Variants in KCTD10 observed in about 807,000 individuals in gnomAD.
KCTD10 encodes BTB/POZ domain-containing adapter for CUL3-mediated RhoA degradation protein 3.
A neutral mutation model predicts 34.6 loss-of-function variants in KCTD10; 13 were observed. The observed-to-expected ratio is 0.38, with a 90% CI of 0.24 to 0.60. The LOEUF (loss-of-function observed/expected upper bound fraction) is 0.60. Ranked by LOEUF, KCTD10 falls within the 20% of genes least tolerant of loss-of-function variation. The pLI is 0.66. For synonymous variants in KCTD10, 156 were observed against 168.8 expected (o/e 0.92, Z 0.59); for missense variants, 256 against 420.3 (o/e 0.61, Z 3.42).
At chr12:109,464,345 C>T (rs12818537) in intron 2 of KCTD10, among the ~76,000 whole-genome samples, 25,770 of 152,098 alleles carry the variant, frequency 0.17, 2,239 homozygotes, top group African/African-American at 0.18. Context: ...GGCTGCCCCG[C>T]ACATTGTAGG....
intron 1 of KCTD10, 101 bp from the exon 2 acceptor site, chr12:109,469,829 G>A (rs1415580326): frequency 1.3e-5 from 20 of 1,501,450 alleles, no homozygotes; most frequent in South Asian, 5.3e-5. Flanking sequence ...CTTGGGCCAC[G>A]CATACACAGC....
At chr12:109,473,580 C>G (rs1467878426) in intron 1 of KCTD10, among the ~76,000 whole-genome samples, 4 of 152,178 alleles carry the variant, frequency 2.6e-5, no homozygotes, top group Non-Finnish European at 4.4e-5. Context: ...AACAAAAGCT[C>G]TAAACCTTTT....
intron 2 of KCTD10, chr12:109,464,907 A>G: frequency 2.2e-6 from 1 of 453,690 alleles, no homozygotes; most frequent in Non-Finnish European, 4.4e-6. Flanking sequence ...GAAGTAGAAG[A>G]TGCTGTCCCA....
intron 1 of KCTD10, chr12:109,470,374 T>G (rs2135678777): frequency 1.0e-6 from 1 of 985,578 alleles, no homozygotes; most frequent in East Asian, 1.1e-4. Context: ...AAATTAGACC[T>G]CCTAGACTAG....
intron 2 of KCTD10, among the ~76,000 whole-genome samples, chr12:109,467,305 T>A (rs1163630948): frequency 6.6e-6 from 1 of 152,024 alleles, no homozygotes; most frequent in African/African-American, 2.4e-5. Context: ...CCTCGAAGGG[T>A]TATGGTGAGG....
rs200331161 is a variant in KCTD10 at position 109,469,694 on chromosome 12, G to A, written c.38C>T (p.Ala13Val). ...EMSGESVVSS[A>V]VPAAATRTTS... is the part of the protein sequence containing the mutation. ...GGTGCGGGTAGCAGCCGCTGGCACC[G>A]CTGAGCTCACCACACTTTCTCCTGA... Residue 13 changes from alanine to valine, a missense_variant, in exon 2 of 7, where the codon GCG becomes GTG. Physicochemically the swap from Ala to Val is moderately conservative, Grantham distance 64. Coordinates refer to ENST00000228495, the MANE Select transcript of KCTD10 (RefSeq NM_031954.5). The A allele has an allele frequency of 1.4e-4, 221 of 1,614,208 alleles. No homozygotes were observed. In the Middle Eastern group the frequency reaches 2.0e-3, roughly 14 times the overall value.
chr12:109,459,791 A>C (rs1665227686), intron 3 of KCTD10, among the ~76,000 whole-genome samples: 1 of 152,232 alleles, frequency 6.6e-6, no homozygotes. Flanking sequence ...ATGTGAACAG[A>C]AAAAACTGCT....
chr12:109,464,241 A>G (rs1186739907), intron 2 of KCTD10, among the ~76,000 whole-genome samples: 1 of 152,194 alleles, frequency 6.6e-6, no homozygotes, highest in Non-Finnish European at 1.5e-5. Flanking sequence ...TTCAGATTCT[A>G]GCAACCTGCC....
chr12:109,468,496 C>T (rs977132953), intron 2 of KCTD10, among the ~76,000 whole-genome samples: 4 of 152,142 alleles, frequency 2.6e-5, no homozygotes, highest in Non-Finnish European at 4.4e-5. Context: ...TAAGCAATCT[C>T]AGGCCAAGGA....
rs1475342259 is a variant in KCTD10, at chr12:109,451,832, C to T, written c.724-19G>A. 1.9e-6 allele frequency: 3 copies of T among 1,600,400 alleles called. No homozygotes were observed. The highest frequency in any genetic ancestry group is 1.3e-5 in the African/African-American group (1 of 74,754). On this transcript the variant is annotated intron_variant, in intron 6 of 6. Coordinates refer to ENST00000228495, the MANE Select transcript of KCTD10 (RefSeq NM_031954.5). This position sits in a 1 kb window ranked among gnomAD's most constrained non-coding sequence, Gnocchi z 5.0. ...ACTCCACCTGTGTTCCCACAGTATA[C>T]AGGGCAGGTAAGTTATGGCCCACCC...
intron 2 of KCTD10, chr12:109,464,662 AG>A (rs1873506987): frequency 1.3e-5 from 4 of 316,592 alleles, no homozygotes; most frequent in Non-Finnish European, 2.5e-5. Flanking sequence ...CAAATGTGTA[AG>A]TAAGATGCAA....
intron 6 of KCTD10, among the ~76,000 whole-genome samples, chr12:109,454,500 A>G (rs1254736249): frequency 3.3e-5 from 5 of 152,216 alleles, no homozygotes; most frequent in African/African-American, 1.2e-4. Context: ...AGGCCAAGGT[A>G]GAAGGACCAC....
At chr12:109,475,498 C>T (rs1874129985) in intron 1 of KCTD10, among the ~76,000 whole-genome samples, 1 of 151,614 alleles carries the variant, frequency 6.6e-6, no homozygotes, top group South Asian at 2.1e-4. Context: ...AAAACAAACT[C>T]ACACACACCT....
intron 1 of KCTD10, among the ~76,000 whole-genome samples, chr12:109,476,886 C>T (rs1440493852): frequency 1.3e-5 from 2 of 152,128 alleles, no homozygotes; most frequent in African/African-American, 4.8e-5. Flanking sequence ...ATTTTCCACC[C>T]CCAAATGTCC....
chr12:109,457,733 CA>C (rs760111726), intron 4 of KCTD10, 51 bp from the exon 5 acceptor site: 2 of 1,563,820 alleles, frequency 1.3e-6, no homozygotes, highest in Non-Finnish European at 1.8e-6. Context: ...CAGGCAGATG[CA>C]ATGAACTACT....
chr12:109,476,768 C>T (rs997344275), intron 1 of KCTD10, among the ~76,000 whole-genome samples: 3 of 152,102 alleles, frequency 2.0e-5, no homozygotes, highest in African/African-American at 7.2e-5. Flanking sequence ...GGAAACTCAG[C>T]GACTCCAGCC....
At position 109,460,027 on chromosome 12, in the gene KCTD10, C is replaced by T. The variant is rs1285711555; in HGVS notation, c.387+609G>A. ...GTGTGCAGCATTATGGGTACTGGTCCGGTGCGGGGCCAGACACAGACATGT... is the reference window on the plus strand; with the variant it reads ...GTGTGCAGCATTATGGGTACTGGTCTGGTGCGGGGCCAGACACAGACATGT... On this transcript the variant is annotated intron_variant, in intron 3 of 6. Coordinates refer to ENST00000228495, the MANE Select transcript of KCTD10 (RefSeq NM_031954.5). This position sits in a 1 kb window ranked among gnomAD's most constrained non-coding sequence, Gnocchi z 4.5. Among the ~76,000 whole-genome samples, 3 of 152,176 alleles carry T rather than the reference C, an allele frequency of 2.0e-5. No individual in the cohort carries two copies. The highest frequency in any genetic ancestry group is 2.9e-5 in the Non-Finnish European group (2 of 68,040).
Position 109,457,613 on chromosome 12 carries a change from C to G in KCTD10, c.527+17G>C, listed in dbSNP as rs372039639. On this transcript the variant is annotated intron_variant, in intron 5 of 6. Transcript: ENST00000228495. ...TTTCCTAGTAAATGGAGCTGTCTTT[C>G]CCGGCTGACGCCTTACCTGGTATAT... 23 of 1,613,316 alleles carry G rather than the reference C, an allele frequency of 1.4e-5. No individual in the cohort carries two copies. The highest frequency in any genetic ancestry group is 2.0e-5 in the Non-Finnish European group (23 of 1,179,308).
chr12:109,469,923 C>T, intron 1 of KCTD10, 195 bp from the exon 2 acceptor site: 1 of 1,294,038 alleles, frequency 7.7e-7, no homozygotes, highest in East Asian at 2.6e-5. Flanking sequence ...AAATCAGAGG[C>T]CAACTGGGCT....
Sources: allele counts gnomAD v4.1 joint callset (sites outside exome capture counted in the v4.1 genomes callset), GRCh38; gene constraint gnomAD v4.1.1; non-coding constraint Gnocchi (gnomAD v3.1); transcripts MANE v1.5; gene names NCBI Gene and HGNC (gene_info 2026-07-23, HGNC 2026-07-21).